Variants in AXIN1 observed in about 807,000 individuals in gnomAD.
AXIN1 encodes the protein axin-1.
Under a neutral mutation model 76.4 loss-of-function variants are expected in AXIN1, and 30 were observed. The observed-to-expected ratio is 0.39, with a 90% confidence interval of 0.29 to 0.53. The LOEUF (loss-of-function observed/expected upper bound fraction) is 0.53. Among genes scored for constraint, AXIN1 ranks in the 20% least tolerant of loss-of-function variants. The probability of loss-of-function intolerance (pLI) is 0.66; values close to 1 mark genes in which losing one functional copy is unlikely to be tolerated. For missense variants in AXIN1, 1,140 were observed against 1,198.8 expected (o/e 0.95, Z 0.72); for synonymous variants, 545 against 501.4 (o/e 1.09, Z -1.16).
chr16:325,030 C>A (rs1348080051), intron 2 of AXIN1, among the ~76,000 whole-genome samples: 1 of 152,208 alleles, frequency 6.6e-6, no homozygotes, highest in South Asian at 2.1e-4. Flanking sequence ...ACAGTCCTAC[C>A]TGGCACGTTC....
At chr16:307,290 C>T (rs1020861895) in intron 4 of AXIN1, among the ~76,000 whole-genome samples, 4 of 152,174 alleles carry the variant, frequency 2.6e-5, no homozygotes, top group African/African-American at 9.7e-5. Context: ...TTGCAGGCTG[C>T]GTCACCACGG....
intron 4 of AXIN1, among the ~76,000 whole-genome samples, chr16:306,383 G>A (rs2053025917): frequency 6.6e-6 from 1 of 152,160 alleles, no homozygotes; most frequent in African/African-American, 2.4e-5. Context: ...TTAAAATCCA[G>A]GCCGCCAGTG....
chr16:338,508 G>A (rs1364618932), intron 2 of AXIN1, among the ~76,000 whole-genome samples: 3 of 152,270 alleles, frequency 2.0e-5, no homozygotes, highest in South Asian at 2.1e-4. Flanking sequence ...CCTTTGGCCT[G>A]ACAGGCAACT....
intron 2 of AXIN1, among the ~76,000 whole-genome samples, chr16:334,458 ATG>A: frequency 2.7e-5 from 4 of 149,794 alleles, no homozygotes; most frequent in African/African-American, 7.4e-5. Flanking sequence ...CATGCCAATA[ATG>A]CAGCACCCAG....
rs1228139563 is a variant in AXIN1, at chr16:295,943, G to A, written c.1955+1113C>T. On this transcript the variant is annotated intron_variant, in intron 7 of 10. Transcript: ENST00000262320. ...GATTGCACCACTGCACTCCAGCCCG[G>A]GCGACAGAGCTAGACTCCGTCTCAA... Among the ~76,000 whole-genome samples the A allele has an allele frequency of 2.6e-5, 4 of 151,250 alleles. No individual in the cohort carries two copies. The East Asian group carries it at 7.8e-4, about 29-fold the overall frequency.
At position 310,536 on chromosome 16, in the gene AXIN1, A is replaced by G. The variant is rs529403297; in HGVS notation, c.1020-467T>C. 2.6e-5 allele frequency among the ~76,000 whole-genome samples: 4 copies of G among 152,232 alleles called. No individual in the cohort carries two copies. In the East Asian group the frequency reaches 7.7e-4, roughly 29 times the overall value. On this transcript the variant is annotated intron_variant, in intron 3 of 10. Transcript: ENST00000262320. ...CTCAGCCTCCTGAGTAGCTGGGACT[A>G]CAGGTGCCCGCCACCACGCCCAGCT...
intron 7 of AXIN1, among the ~76,000 whole-genome samples, chr16:294,796 C>T (rs1733530912): frequency 7.0e-6 from 1 of 143,150 alleles, no homozygotes; most frequent in African/African-American, 2.6e-5. Context: ...GGCGCGGTGG[C>T]TCACGCCTGT....
intron 7 of AXIN1, among the ~76,000 whole-genome samples, chr16:296,197 AC>A (rs1377152914): frequency 1.3e-5 from 2 of 152,096 alleles, no homozygotes; most frequent in Non-Finnish European, 2.9e-5. Context: ...ACCGATGGGG[AC>A]CCCAAGGCCT....
At chr16:326,533 G>C (rs1019449765) in intron 2 of AXIN1, among the ~76,000 whole-genome samples, 1 of 151,240 alleles carries the variant, frequency 6.6e-6, no homozygotes, top group African/African-American at 2.4e-5. Flanking sequence ...CGGATCATGA[G>C]ATCAAGAGAT....
At chr16:299,158 G>C (rs184397887) in intron 5 of AXIN1, 1 of 985,236 alleles carries the variant, frequency 1.0e-6, no homozygotes, top group Non-Finnish European at 1.2e-6. Context: ...ACATGAAGCC[G>C]GTGGAGTTTC....
At chr16:290,347 G>A (rs1425871481) in intron 9 of AXIN1, 1 of 156,140 alleles carries the variant, frequency 6.4e-6, no homozygotes, top group Non-Finnish European at 1.4e-5. Context: ...ATGGCCACCT[G>A]AGCCATGTGA....
At chr16:294,514 G>A (rs191186329) in intron 7 of AXIN1, among the ~76,000 whole-genome samples, 1 of 150,472 alleles carries the variant, frequency 6.6e-6, no homozygotes, top group African/African-American at 2.5e-5. Context: ...CAGCACGCTG[G>A]GAGGCCGAGG....
intron 2 of AXIN1, among the ~76,000 whole-genome samples, chr16:330,216 A>C (rs2053666873): frequency 6.6e-6 from 1 of 151,924 alleles, no homozygotes; most frequent in South Asian, 2.1e-4. Context: ...GCATGCCACC[A>C]CACTCATCTC....
chr16:351,676 G>A (rs8045209), intron 1 of AXIN1, among the ~76,000 whole-genome samples: 4,642 of 152,156 alleles, frequency 0.031, 222 homozygotes, highest in African/African-American at 0.11. Flanking sequence ...GAAGGCTGAG[G>A]CAGGTGGATC....
rs1296869475 is a variant in AXIN1 at position 293,891 on chromosome 16, A to G, written c.1956-173T>C. On this transcript the variant is annotated intron_variant, in intron 7 of 10. Coordinates refer to ENST00000262320, the MANE Select transcript of AXIN1 (RefSeq NM_003502.4). This position sits in a 1 kb window ranked among gnomAD's most constrained non-coding sequence, Gnocchi z 4.6. Reference sequence around the variant, plus strand: ...CCTCCACAGACCACACAATAAAAACATCCCGGCCAGGCATGGTGGCTCACA... The same window carrying G: ...CCTCCACAGACCACACAATAAAAACGTCCCGGCCAGGCATGGTGGCTCACA... Among the ~76,000 whole-genome samples, 1 of 152,194 alleles carries G rather than the reference A, an allele frequency of 6.6e-6. No homozygotes were observed. Among genetic ancestry groups the G allele is most frequent in the Non-Finnish European group, 1.5e-5 (1 of 68,028 alleles).
chr16:297,233 G>C lies in AXIN1; in HGVS notation c.1785-7C>G, dbSNP rs760461998. The C allele has an allele frequency of 6.2e-7, 1 of 1,604,640 alleles. No individual in the cohort carries two copies. Among genetic ancestry groups the C allele is most frequent in the Non-Finnish European group, 8.5e-7 (1 of 1,179,822 alleles). On this transcript the variant is annotated splice_region_variant and splice_polypyrimidine_tract_variant and intron_variant, in intron 6 of 10. Transcript: ENST00000262320. ...CGCCACGCCCACCTTCCCACTGCAA[G>C]GGCAAGAGCTGCGAGTCGCCCTGGC...
Position 298,222 on chromosome 16 carries a change from C to T in AXIN1, c.1284G>A (p.Ser428=), listed in dbSNP as rs214250. The T allele has an allele frequency of 0.22, 333,863 of 1,540,012 alleles. 39,359 individuals are homozygous for T. The highest frequency in any genetic ancestry group is 0.4 in the African/African-American group (29,195 of 73,106). ...MEEEGEDGDP[S]SGPPGPCHKL... is the part of the protein sequence containing the mutation. ...TGTGACACGGCCCTGGGGGCCCTGA[C>T]GATGGATCGCCGTCCTCACCTTCCT... The change falls in exon 6 of 11, where the codon TCG becomes TCA. Residue 428 remains serine, a synonymous_variant. Coordinates refer to ENST00000262320, the MANE Select transcript of AXIN1 (RefSeq NM_003502.4).
chr16:299,704 G>A (rs1263201329), intron 5 of AXIN1, among the ~76,000 whole-genome samples: 3 of 151,348 alleles, frequency 2.0e-5, no homozygotes, highest in Non-Finnish European at 4.4e-5. Flanking sequence ...CACCCAGGCT[G>A]GAGTGCAGTG....
intron 4 of AXIN1, among the ~76,000 whole-genome samples, chr16:305,424 C>T (rs1392719594): frequency 1.3e-5 from 2 of 152,006 alleles, no homozygotes; most frequent in Non-Finnish European, 2.9e-5. Flanking sequence ...TGCAGTGAGC[C>T]GAGATCATGC....
Sources: allele counts gnomAD v4.1 joint callset (sites outside exome capture counted in the v4.1 genomes callset), GRCh38; gene constraint gnomAD v4.1.1; non-coding constraint Gnocchi (gnomAD v3.1); transcripts MANE v1.5; gene names NCBI Gene and HGNC (gene_info 2026-07-23, HGNC 2026-07-21).